The following PCDHGA1 variants were observed in gnomAD, a reference collection of about 807,000 sequenced individuals.
PCDHGA1 encodes protocadherin gamma subfamily A, 1.
A neutral mutation model predicts 58.0 loss-of-function variants in PCDHGA1; 32 were observed. The ratio of observed to expected loss-of-function variants is 0.55; its 90% CI spans 0.42 to 0.74. The LOEUF (loss-of-function observed/expected upper bound fraction) is 0.74. Ranked by LOEUF, PCDHGA1 falls within the 30% of genes least tolerant of loss-of-function variation. The probability of loss-of-function intolerance (pLI) is 0.00; values close to 1 mark genes in which losing one functional copy is unlikely to be tolerated. For missense variants in PCDHGA1, 1,205 were observed against 1,182.3 expected (o/e 1.02, Z -0.28); for synonymous variants, 498 against 501.1 (o/e 0.99, Z 0.08).
At chr5:141,379,527 T>C (rs1182908156) in intron 1 of PCDHGA1, 1 of 152,228 alleles carries the variant, frequency 6.6e-6, no homozygotes, top group African/African-American at 2.4e-5. Context: ...GAGCATTTGT[T>C]GTTATAGGGA....
At chr5:141,425,173 T>A (rs182492696) in intron 1 of PCDHGA1, among the ~76,000 whole-genome samples, 5 of 152,284 alleles carry the variant, frequency 3.3e-5, no homozygotes, top group Admixed American at 3.3e-4. Context: ...GGATTTATAC[T>A]TGTGGAATTC....
intron 1 of PCDHGA1, chr5:141,372,539 G>A: frequency 6.2e-7 from 1 of 1,614,050 alleles, no homozygotes; most frequent in Non-Finnish European, 8.5e-7. Flanking sequence ...CCCTGCGCCT[G>A]CGATGCTCCT....
At chr5:141,357,094 C>T in intron 1 of PCDHGA1, 1 of 1,613,884 alleles carries the variant, frequency 6.2e-7, no homozygotes, top group Non-Finnish European at 8.5e-7. Flanking sequence ...CGCACGGGCC[C>T]TGCTGGACAG....
chr5:141,470,037 G>A lies in PCDHGA1; in HGVS notation c.2422-24770G>A, dbSNP rs76537989. Among the ~76,000 whole-genome samples the A allele has an allele frequency of 2.3e-3, 347 of 152,258 alleles. 6 individuals are homozygous for A. The East Asian group carries it at 0.048, about 21-fold the overall frequency. On this transcript the variant is annotated intron_variant, in intron 1 of 3. Transcript: ENST00000517417. ...CCAGCTACTCGGGATGCTGAGGCGC[G>A]AGAACTGTTTGAACCCCGGAGGCAG...
intron 1 of PCDHGA1, 143 bp from the exon 2 acceptor site, chr5:141,494,664 A>T: frequency 6.7e-7 from 1 of 1,500,298 alleles, no homozygotes; most frequent in Non-Finnish European, 8.9e-7. Flanking sequence ...GTCTTTGGAG[A>T]TGAGTCCACC....
In PCDHGA1 at chr5:141,330,903, GC is replaced by G. The variant is rs1035211400; in HGVS notation, c.220del (p.Leu74PhefsTer4). On this transcript the variant is annotated frameshift_variant, in exon 1 of 4. Coordinates refer to ENST00000517417, the MANE Select transcript of PCDHGA1 (RefSeq NM_018912.3). LOFTEE classifies it high-confidence loss of function. ...VRIVSRGRMPLFALNPRSGSL... is the reference protein window; with the variant it reads ...VRIVSRGRMPXFALNPRSGSL... ...GCATCGTCTCCAGAGGTAGGATGCC[GC>G]TTTTCGCTCTGAATCCTAGAAGTGG... is the stretch of plus-strand genomic sequence containing the variant. The G allele has an allele frequency of 2.5e-6, 4 of 1,614,228 alleles. No individual in the cohort carries two copies. The highest frequency in any genetic ancestry group is 3.4e-6 in the Non-Finnish European group (4 of 1,180,030).
At chr5:141,413,257 T>C (rs777964429) in intron 1 of PCDHGA1, 3 of 1,613,954 alleles carry the variant, frequency 1.9e-6, no homozygotes, top group African/African-American at 1.3e-5. Flanking sequence ...CGGGATTCCA[T>C]GGGAGGCTGG....
At chr5:141,351,565 C>A (rs777094926) in intron 1 of PCDHGA1, 13 of 1,613,926 alleles carry the variant, frequency 8.1e-6, no homozygotes, top group Non-Finnish European at 1.1e-5. Context: ...CAAGCATCAC[C>A]CTGCACATCT....
chr5:141,407,497 G>GTTTTTTTTTTTTTTTTTTTTTTTTT (rs1554102286), intron 1 of PCDHGA1, among the ~76,000 whole-genome samples: 1 of 151,974 alleles, frequency 6.6e-6, no homozygotes, highest in African/African-American at 2.4e-5. Context: ...CTTTATTTCT[G>GTTTTTTTTTTTTTTTTTTTTTTTTT]TTTTTCTTAG....
At chr5:141,473,169 C>T (rs141382764) in intron 1 of PCDHGA1, among the ~76,000 whole-genome samples, 2 of 152,286 alleles carry the variant, frequency 1.3e-5, no homozygotes, top group East Asian at 3.9e-4. Context: ...GGAAGGCCCA[C>T]TGGTAACTTG....
At chr5:141,418,128 T>C (rs1386757111) in intron 1 of PCDHGA1, 1 of 1,614,090 alleles carries the variant, frequency 6.2e-7, no homozygotes, top group South Asian at 1.1e-5. Flanking sequence ...AAGGACCGAA[T>C]AGACCGTGAG....
intron 1 of PCDHGA1, chr5:141,391,782 T>C (rs2092421963): frequency 6.6e-6 from 1 of 152,222 alleles, no homozygotes; most frequent in African/African-American, 2.4e-5. Flanking sequence ...GTCATTACTT[T>C]TTGCAGTTTT....
intron 1 of PCDHGA1, chr5:141,352,400 T>C (rs772878086): frequency 1.9e-5 from 31 of 1,613,892 alleles, no homozygotes; most frequent in East Asian, 4.5e-5. Context: ...CCTGCGACGT[T>C]CCTCCAGCCT....
intron 1 of PCDHGA1, chr5:141,364,725 G>A (rs775854228): frequency 1.9e-6 from 3 of 1,613,828 alleles, no homozygotes; most frequent in African/African-American, 2.7e-5. Context: ...AACTTCCCGC[G>A]TTTCCGGGAT....
chr5:141,408,972 C>T, intron 1 of PCDHGA1: 8 of 1,613,870 alleles, frequency 5.0e-6, no homozygotes, highest in Non-Finnish European at 5.9e-6. Flanking sequence ...AATCTGCCCC[C>T]TGGGTCCCCT....
Position 141,417,818 on chromosome 5 carries a change from C to T in PCDHGA1, c.2422-76989C>T, listed in dbSNP as rs59981184. 5.7e-4 allele frequency: 859 copies of T among 1,512,530 alleles called. 1 individual carries two copies. The African/African-American group carries it at 0.011, about 19-fold the overall frequency. 93.7% of individuals were successfully genotyped at this position (1,512,530 alleles called of 1,614,324 possible). On this transcript the variant is annotated intron_variant, in intron 1 of 3. Coordinates refer to ENST00000517417, the MANE Select transcript of PCDHGA1 (RefSeq NM_018912.3). ...TTTAGCGCGGTAGAGTGCACTTTCTCCAACTGGAAAAGCGGGGACCCAGCG... is the reference window on the plus strand; with the variant it reads ...TTTAGCGCGGTAGAGTGCACTTTCTTCAACTGGAAAAGCGGGGACCCAGCG...
chr5:141,343,916 C>T, intron 1 of PCDHGA1: 1 of 937,592 alleles, frequency 1.1e-6, no homozygotes, highest in Admixed American at 2.7e-5. Context: ...CTTAGTCAAC[C>T]AGCTGTTTGA....
chr5:141,478,724 G>T, intron 1 of PCDHGA1: 2 of 1,542,774 alleles, frequency 1.3e-6, no homozygotes, highest in Non-Finnish European at 1.8e-6. Context: ...TGGCCTGCCA[G>T]AGTGTGGTTT....
In PCDHGA1 at chr5:141,357,512, C is replaced by T. The variant is rs1211736119; in HGVS notation, c.2421+24407C>T. 1.9e-6 allele frequency: 3 copies of T among 1,614,258 alleles called. No individual in the cohort carries two copies. Among genetic ancestry groups the T allele is most frequent in the Non-Finnish European group, 2.5e-6 (3 of 1,180,052 alleles). ...TCGCGGAAGAGTCACCTGATCTTCTCCCAACCCAGCTATGCAGACACGCTC... is the reference window on the plus strand; with the variant it reads ...TCGCGGAAGAGTCACCTGATCTTCTTCCAACCCAGCTATGCAGACACGCTC... On this transcript the variant is annotated intron_variant, in intron 1 of 3. Transcript: ENST00000517417.
Sources: gnomAD v4.1 joint callset for allele counts (sites outside exome capture counted in the v4.1 genomes callset) on GRCh38, gnomAD v4.1.1 for gene constraint, MANE v1.5 for transcripts, NCBI Gene and HGNC (gene_info 2026-07-23, HGNC 2026-07-21) for gene names.